Variants in ADSS1 observed in about 807,000 individuals in gnomAD.
ADSS1 encodes adenylosuccinate synthase 1, also known as adenylosuccinate synthetase isozyme 1.
In ADSS1, 57 loss-of-function variants were observed where a neutral mutation model predicts 59.1. The ratio of observed to expected loss-of-function variants is 0.97; its 90% CI spans 0.78 to 1.20. The LOEUF is 1.20. Among genes scored for constraint, ADSS1 ranks in the 50% most tolerant of loss-of-function variants. The probability of loss-of-function intolerance (pLI) is 0.00; values close to 1 mark genes in which losing one functional copy is unlikely to be tolerated. For missense variants in ADSS1, 603 were observed against 610.3 expected (o/e 0.99, Z 0.13); for synonymous variants, 247 against 249.4 (o/e 0.99, Z 0.09).
chr14:104,728,608 G>A (rs893349742), intron 1 of ADSS1, among the ~76,000 whole-genome samples: 4 of 152,194 alleles, frequency 2.6e-5, no homozygotes, highest in African/African-American at 7.2e-5. Context: ...CACACTGGGC[G>A]CCAGGGCCCC....
intron 1 of ADSS1, among the ~76,000 whole-genome samples, chr14:104,733,072 C>G (rs1237263512): frequency 6.6e-6 from 1 of 152,146 alleles, no homozygotes; most frequent in East Asian, 1.9e-4. Flanking sequence ...GCAGAAGTAC[C>G]CTGACCCTCC....
chr14:104,743,008 G>A, intron 9 of ADSS1, 59 bp from the exon 10 acceptor site: 2 of 1,602,996 alleles, frequency 1.2e-6, no homozygotes, highest in Non-Finnish European at 1.7e-6. Context: ...GAGCAGCAGG[G>A]CCAGGCTGCA....
intron 1 of ADSS1, among the ~76,000 whole-genome samples, chr14:104,733,461 G>A (rs552874697): frequency 1.2e-3 from 183 of 152,348 alleles, no homozygotes; most frequent in Non-Finnish European, 1.9e-3. Flanking sequence ...ACGAGGCGCC[G>A]GGGCTGTTTC....
chr14:104,731,578 T>C (rs1890932848), intron 1 of ADSS1, among the ~76,000 whole-genome samples: 1 of 152,126 alleles, frequency 6.6e-6, no homozygotes, highest in Admixed American at 6.5e-5. Context: ...TTCCCAGAGC[T>C]CAGGTGCCTC....
chr14:104,726,171 C>T (rs1403105877), intron 1 of ADSS1, among the ~76,000 whole-genome samples: 1 of 152,216 alleles, frequency 6.6e-6, no homozygotes, highest in African/African-American at 2.4e-5. Context: ...GAGGTTTGTC[C>T]CTGGAGCCCA....
chr14:104,743,001 C>T, intron 9 of ADSS1, 66 bp from the exon 10 acceptor site: 1 of 1,598,088 alleles, frequency 6.3e-7, no homozygotes, highest in Non-Finnish European at 8.5e-7. Context: ...GGAGGGGGAG[C>T]AGCAGGGCCA....
chr14:104,736,881 G>GATTATATATATAT (rs1254196679), intron 2 of ADSS1, among the ~76,000 whole-genome samples: 1,203 of 106,466 alleles, frequency 0.011, 71 homozygotes, highest in African/African-American at 0.041. Context: ...GCACCTAGCT[G>GATTATATATATAT]ATATATATAT....
chr14:104,745,089 G>A (rs7155192), intron 11 of ADSS1, 180 bp downstream of exon 11: 308,992 of 592,384 alleles, frequency 0.52, 84,943 homozygotes, highest in African/African-American at 0.83. Context: ...TCTCCCCACA[G>A]CGTTCCCCAG....
At chr14:104,745,713 C>T (rs1276324726) in intron 11 of ADSS1, 1 of 153,152 alleles carries the variant, frequency 6.5e-6, no homozygotes, top group African/African-American at 2.4e-5. Flanking sequence ...CCCAGGGGGA[C>T]ACGCAAACAC....
intron 5 of ADSS1, 124 bp downstream of exon 5, chr14:104,739,940 A>C: frequency 9.7e-7 from 1 of 1,030,156 alleles, no homozygotes; most frequent in South Asian, 1.4e-5. Context: ...AAGCCCCTGG[A>C]GAATGGCACC....
At chr14:104,742,102 C>T (rs1190023271) in intron 9 of ADSS1, 100 bp downstream of exon 9, 5 of 1,477,650 alleles carry the variant, frequency 3.4e-6, no homozygotes, top group African/African-American at 1.4e-5. Flanking sequence ...CTCTGCGGAC[C>T]TTGCCAGTGC....
chr14:104,732,708 C>T (rs768226515), intron 1 of ADSS1, among the ~76,000 whole-genome samples: 5 of 152,226 alleles, frequency 3.3e-5, no homozygotes, highest in East Asian at 1.9e-4. Flanking sequence ...CATCCCTCGA[C>T]GCCTGCCCCC....
At chr14:104,744,688 C>A in intron 10 of ADSS1, 124 bp from the exon 11 acceptor site, 1 of 841,892 alleles carries the variant, frequency 1.2e-6, no homozygotes, top group Non-Finnish European at 1.9e-6. Context: ...CAGTACTGGT[C>A]CACAGCCCAG....
chr14:104,744,775 A>C (rs577582840), intron 10 of ADSS1, 37 bp from the exon 11 acceptor site: 19 of 1,603,164 alleles, frequency 1.2e-5, no homozygotes, highest in Middle Eastern at 3.5e-4. Context: ...ACTGCTGACC[A>C]CTTCTTGGGT....
intron 2 of ADSS1, chr14:104,737,828 C>T (rs908694702): frequency 1.3e-5 from 2 of 152,768 alleles, no homozygotes; most frequent in African/African-American, 4.8e-5. Context: ...GTCTTCGAGG[C>T]CTGTGTCAGA....
In ADSS1 at chr14:104,746,310, G is replaced by A. The variant is rs542898507; in HGVS notation, c.1246G>A (p.Ala416Thr). The change falls in exon 12 of 13, where the codon GCC (alanine) becomes ACC (threonine). Residue 416 changes from alanine to threonine, a missense_variant. Physicochemically the swap from Ala to Thr is moderately conservative, Grantham distance 58. Transcript: ENST00000330877. ...TGGGTGGAAAGCAGACACCACAGGC[G>A]CCAGGAGGTGGGAGGACCTGCCCCC... is the stretch of plus-strand genomic sequence containing the variant. ...LPGWKADTTG[A>T]RRWEDLPPQA... The A allele has an allele frequency of 6.8e-6, 11 of 1,613,800 alleles. No homozygotes were observed. The highest frequency in any genetic ancestry group is 4.5e-5 in the East Asian group (2 of 44,886).
intron 1 of ADSS1, chr14:104,730,158 C>T: frequency 6.5e-7 from 1 of 1,542,186 alleles, no homozygotes; most frequent in South Asian, 1.2e-5. Context: ...GGAGGCCACA[C>T]CTGCCTGCCC....
chr14:104,726,109 C>G lies in ADSS1; in HGVS notation c.192+1647C>G, dbSNP rs559502502. ...CCCCCGCCAGGCCACCCCCACCAGG[C>G]CACCCTATAGCCTGAGGGAGCCCCT... On this transcript the variant is annotated intron_variant, in intron 1 of 12. Transcript: ENST00000330877. 2.6e-5 allele frequency among the ~76,000 whole-genome samples: 4 copies of G among 152,370 alleles called. No individual in the cohort carries two copies. In the South Asian group the frequency reaches 8.3e-4, roughly 32 times the overall value.
chr14:104,743,262 C>A, intron 10 of ADSS1, 71 bp downstream of exon 10: 1 of 1,583,048 alleles, frequency 6.3e-7, no homozygotes, highest in South Asian at 1.1e-5. Context: ...GCAAGCAGCA[C>A]TTGACGCAGG....
Sources: gnomAD v4.1 joint callset for allele counts (sites outside exome capture counted in the v4.1 genomes callset) on GRCh38, gnomAD v4.1.1 for gene constraint, MANE v1.5 for transcripts, NCBI Gene and HGNC (gene_info 2026-07-23, HGNC 2026-07-21) for gene names.